CFAP54: variants seen among roughly 807,000 people sequenced by gnomAD.
CFAP54 encodes the protein cilia- and flagella-associated protein 54.
A neutral mutation model predicts 370.4 loss-of-function variants in CFAP54; 290 were observed. The ratio of observed to expected loss-of-function variants is 0.78; its 90% CI spans 0.71 to 0.86. The LOEUF (loss-of-function observed/expected upper bound fraction) is 0.86. Among genes scored for constraint, CFAP54 ranks in the 40% least tolerant of loss-of-function variants. The pLI, the probability that CFAP54 is intolerant of heterozygous loss-of-function variation, is 0.00. For synonymous variants in CFAP54, 1,206 were observed against 1,236.5 expected (o/e 0.98, Z 0.52); for missense variants, 3,399 against 3,528.7 (o/e 0.96, Z 0.93).
intron 1 of CFAP54, among the ~76,000 whole-genome samples, chr12:96,497,576 C>T (rs1485356603): frequency 2.0e-5 from 3 of 152,156 alleles, no homozygotes. Flanking sequence ...AGGCACATTC[C>T]TTGCCAGGCG....
intron 9 of CFAP54, among the ~76,000 whole-genome samples, chr12:96,533,490 A>C (rs1256349019): frequency 2.6e-5 from 4 of 152,080 alleles, no homozygotes; most frequent in Non-Finnish European, 4.4e-5. Context: ...TCTCTTTCCC[A>C]AGTTTCCAAC....
At chr12:96,657,110 T>C (rs1216241436) in intron 36 of CFAP54, among the ~76,000 whole-genome samples, 1 of 152,188 alleles carries the variant, frequency 6.6e-6, no homozygotes, top group African/African-American at 2.4e-5. Flanking sequence ...TTACTTTTAG[T>C]GGTATTATTG....
rs10537908 is a variant in CFAP54 at position 96,863,153 on chromosome 12, T to TTGGATGGATGGATGGA, written c.*14+2231_*14+2246dup. ...TACCTGGCACATAGGTCTATATTTGTTGGATGGATGGATGGATGGATGGAT... is the reference window on the plus strand; with the variant it reads ...TACCTGGCACATAGGTCTATATTTGTTGGATGGATGGATGGATGGATGGATGGATGGATGGATGGAT... On this transcript the variant is annotated intron_variant, in intron 67 of 67. Coordinates refer to ENST00000524981, the MANE Select transcript of CFAP54 (RefSeq NM_001306084.2). 2.0e-5 allele frequency among the ~76,000 whole-genome samples: 3 copies of TTGGATGGATGGATGGA among 148,246 alleles called. No homozygotes were observed. In the East Asian group the frequency reaches 6.1e-4, roughly 30 times the overall value.
chr12:96,522,760 C>T (rs539180143), intron 8 of CFAP54, among the ~76,000 whole-genome samples: 3 of 152,224 alleles, frequency 2.0e-5, no homozygotes, highest in Admixed American at 6.5e-5. Flanking sequence ...GCTGAAGAGC[C>T]GCCTTCATTT....
chr12:96,529,931 T>C lies in CFAP54; in HGVS notation c.1357+2487T>C, dbSNP rs142454944. On this transcript the variant is annotated intron_variant, in intron 9 of 67. Coordinates refer to ENST00000524981, the MANE Select transcript of CFAP54 (RefSeq NM_001306084.2). Reference sequence around the variant, plus strand: ...CCAATGTCGTAAATATATTCTCGTATGTTTTCTTCCATAAGTTTTATTGTT... The same window carrying C: ...CCAATGTCGTAAATATATTCTCGTACGTTTTCTTCCATAAGTTTTATTGTT... Among the ~76,000 whole-genome samples the C allele has an allele frequency of 3.1e-3, 467 of 152,340 alleles. 2 individuals carry two copies. Among genetic ancestry groups the C allele is most frequent in the African/African-American group, 0.011 (440 of 41,574 alleles).
chr12:96,667,886 C>T (rs978434232), intron 39 of CFAP54, among the ~76,000 whole-genome samples: 1 of 152,126 alleles, frequency 6.6e-6, no homozygotes, highest in Admixed American at 6.5e-5. Context: ...CACTTTACTC[C>T]TTAGAAATTT....
chr12:96,489,818 C>A lies in CFAP54; in HGVS notation c.209C>A (p.Pro70Gln). 1.3e-6 allele frequency: 2 copies of A among 1,536,128 alleles called. No individual in the cohort carries two copies. Among genetic ancestry groups the A allele is most frequent in the Non-Finnish European group, 1.7e-6 (2 of 1,146,918 alleles). Residue 70 changes from proline to glutamine, a missense_variant, in exon 1 of 68, where the codon CCG becomes CAG. By Grantham distance (76) the Pro-to-Gln change is moderately conservative. Transcript: ENST00000524981. ...TATGGGCCGCTGGACGCGAAAAACCCGCTCCTGGCCTCTTGTGAGAAGGAG... is the reference window on the plus strand; with the variant it reads ...TATGGGCCGCTGGACGCGAAAAACCAGCTCCTGGCCTCTTGTGAGAAGGAG... ...VFYGPLDAKN[P>Q]LLASCEKEIQ...
intron 39 of CFAP54, among the ~76,000 whole-genome samples, chr12:96,672,220 G>A (rs1326952187): frequency 6.6e-6 from 1 of 152,094 alleles, no homozygotes; most frequent in East Asian, 1.9e-4. Context: ...ATAGAGCAAG[G>A]ACCTTGAGAC....
At position 96,826,840 on chromosome 12, in the gene CFAP54, A is replaced by G. The variant is rs1959117573; in HGVS notation, c.9097-2174A>G. On this transcript the variant is annotated intron_variant, in intron 65 of 67. Transcript: ENST00000524981. ...ATTAATATATTATATAATATATCATATAATATTATATAATATATTATATAA... is the reference window on the plus strand; with the variant it reads ...ATTAATATATTATATAATATATCATGTAATATTATATAATATATTATATAA... Among the ~76,000 whole-genome samples, 4 of 113,734 alleles carry G rather than the reference A, an allele frequency of 3.5e-5. No homozygotes were observed. The South Asian group carries it at 7.1e-4, about 20-fold the overall frequency. The allele number at this position is 113,734 out of a possible 152,430, so 74.6% of individuals were successfully genotyped here.
rs1955658291 is a variant in CFAP54 at position 96,547,971 on chromosome 12, T to C, written c.2147T>C (p.Ile716Thr). The C allele has an allele frequency of 7.0e-7, 1 of 1,432,782 alleles. No homozygotes were observed. 88.8% of individuals were successfully genotyped at this position (1,432,782 alleles called of 1,614,324 possible). ...APKGITEILP[I>T]LQKNPVEQLL... ...AAAGGGATCACAGAAATTCTTCCAATATTACAGGTATTACTACATATTTAG... is the reference window on the plus strand; with the variant it reads ...AAAGGGATCACAGAAATTCTTCCAACATTACAGGTATTACTACATATTTAG... Residue 716 changes from isoleucine (I) to threonine (T), a missense_variant, in exon 15 of 68, where the codon ATA (isoleucine) becomes ACA (threonine). By Grantham distance (89) the Ile-to-Thr change is moderately conservative. This residue lies in a region of CFAP54 where 2,796 missense variants were observed against 2,869.7 expected (regional missense o/e 0.97). Coordinates refer to ENST00000524981, the MANE Select transcript of CFAP54 (RefSeq NM_001306084.2).
At position 96,508,209 on chromosome 12, in the gene CFAP54, C is replaced by T. The variant is rs569801416; in HGVS notation, c.739+1110C>T. Among the ~76,000 whole-genome samples, 98 of 150,828 alleles carry T rather than the reference C, an allele frequency of 6.5e-4. 1 individual carries two copies. The highest frequency in any genetic ancestry group is 3.2e-3 in the Admixed American group (48 of 15,066). On this transcript the variant is annotated intron_variant, in intron 4 of 67. Transcript: ENST00000524981. ...TGCAGTGTGGCATGATCACTGCAGC[C>T]TTGAGCCTTGAACTCCTGGGCTTAA... is the stretch of plus-strand genomic sequence containing the variant.
intron 58 of CFAP54, among the ~76,000 whole-genome samples, chr12:96,759,638 A>G (rs1958312757): frequency 6.6e-6 from 1 of 152,230 alleles, no homozygotes; most frequent in Non-Finnish European, 1.5e-5. Context: ...CCTTAAAAGG[A>G]AGCACTATTG....
At chr12:96,608,063 G>A (rs1956318737) in intron 26 of CFAP54, among the ~76,000 whole-genome samples, 1 of 152,028 alleles carries the variant, frequency 6.6e-6, no homozygotes, top group East Asian at 1.9e-4. Flanking sequence ...AAAAGGAGAG[G>A]AATAATGGGA....
At chr12:96,559,733 C>A (rs957636086) in intron 17 of CFAP54, among the ~76,000 whole-genome samples, 3 of 151,892 alleles carry the variant, frequency 2.0e-5, no homozygotes, top group African/African-American at 7.3e-5. Flanking sequence ...ATATTTTACC[C>A]CTGAAAACTG....
At chr12:96,698,913 A>G (rs769865405) in intron 45 of CFAP54, among the ~76,000 whole-genome samples, 56 of 152,184 alleles carry the variant, frequency 3.7e-4, no homozygotes, top group Non-Finnish European at 7.2e-4. Context: ...CAGCGGCTCA[A>G]GGGTCTGGAT....
At chr12:96,681,896 G>A (rs1957278230) in intron 40 of CFAP54, among the ~76,000 whole-genome samples, 1 of 151,966 alleles carries the variant, frequency 6.6e-6, no homozygotes, top group Non-Finnish European at 1.5e-5. Context: ...ATTGTGCCCG[G>A]CCCCTCTGTA....
intron 36 of CFAP54, among the ~76,000 whole-genome samples, chr12:96,652,913 G>T (rs1785122601): frequency 6.6e-6 from 1 of 152,222 alleles, no homozygotes; most frequent in Non-Finnish European, 1.5e-5. Flanking sequence ...TTCGTGTTAA[G>T]AAGAACCTCA....
At chr12:96,699,807 C>T (rs950971819) in intron 45 of CFAP54, among the ~76,000 whole-genome samples, 164 bp from the exon 46 acceptor site, 1 of 152,156 alleles carries the variant, frequency 6.6e-6, no homozygotes, top group Non-Finnish European at 1.5e-5. Context: ...CATAGACACA[C>T]GCATCTCTCT....
intron 31 of CFAP54, 52 bp downstream of exon 31, chr12:96,630,256 G>A (rs911082530): frequency 9.5e-6 from 9 of 947,268 alleles, no homozygotes; most frequent in Admixed American, 2.6e-5. Flanking sequence ...AGAGATTCAT[G>A]TATCTAGAGA....
Sources: gnomAD v4.1 joint callset for allele counts (sites outside exome capture counted in the v4.1 genomes callset) on GRCh38, gnomAD v4.1.1 for gene constraint, gnomAD v4.1.1 regional missense constraint, MANE v1.5 for transcripts, NCBI Gene and HGNC (gene_info 2026-07-23, HGNC 2026-07-21) for gene names.